RALYL: variants seen among roughly 807,000 people sequenced by gnomAD.
RALYL encodes RALY RNA binding protein like, also known as RNA-binding Raly-like protein.
RALYL carries 29 observed loss-of-function variants against 35.1 expected under a neutral mutation model. The observed-to-expected ratio is 0.83, with a 90% CI of 0.61 to 1.13. The LOEUF is 1.13. Ranked by LOEUF, RALYL falls within the 50% of genes most tolerant of loss-of-function variation. The pLI, the probability that RALYL is intolerant of heterozygous loss-of-function variation, is 0.00. For missense variants in RALYL, 359 were observed against 360.4 expected (o/e 1.00, Z 0.03); for synonymous variants, 120 against 127.6 (o/e 0.94, Z 0.40).
At chr8:84,663,203 T>G (rs919349237) in intron 2 of RALYL, among the ~76,000 whole-genome samples, 17 of 152,334 alleles carry the variant, frequency 1.1e-4, no homozygotes, top group African/African-American at 4.1e-4. Context: ...ATGGTATATA[T>G]GTACTATATT....
chr8:84,458,703 C>G (rs1563965739), intron 1 of RALYL, among the ~76,000 whole-genome samples: 2 of 151,630 alleles, frequency 1.3e-5, no homozygotes, highest in South Asian at 4.1e-4. Context: ...CATAATGCCA[C>G]TAAAAGTTCA....
rs148683859 is a variant in RALYL at position 84,920,832 on chromosome 8, C to T, written c.859-62C>T. Reference sequence around the variant, plus strand: ...AAAATCTAACTTACATATCAGTATACGCATGCTATCAACAATAAAACACAA... The same window carrying T: ...AAAATCTAACTTACATATCAGTATATGCATGCTATCAACAATAAAACACAA... On this transcript the variant is annotated intron_variant, in intron 8 of 8. Transcript: ENST00000521268. 1.2e-3 allele frequency: 808 copies of T among 686,010 alleles called. 3 individuals are homozygous for T. The highest frequency in any genetic ancestry group is 0.012 in the African/African-American group (620 of 53,360). The allele number at this position is 686,010 out of a possible 1,614,324, so 42.5% of individuals were successfully genotyped here.
At chr8:84,365,726 A>C (rs1005859472) in intron 1 of RALYL, among the ~76,000 whole-genome samples, 1 of 152,216 alleles carries the variant, frequency 6.6e-6, no homozygotes, top group African/African-American at 2.4e-5. Context: ...GGATACAGAC[A>C]ACAGAAGGCA....
rs117811727 is a variant in RALYL at position 84,694,512 on chromosome 8, A to T, written c.257-80067A>T. Among the ~76,000 whole-genome samples the T allele has an allele frequency of 2.0e-3, 303 of 151,970 alleles. 1 individual carries two copies. Among genetic ancestry groups the T allele is most frequent in the Non-Finnish European group, 3.4e-3 (233 of 67,832 alleles). ...GTGTTTATGGATTAAAAGAATTAAT[A>T]TTTTTTAAATGACTACTCAAAGCAA... On this transcript the variant is annotated intron_variant, in intron 2 of 8. Coordinates refer to ENST00000521268, the MANE Select transcript of RALYL (RefSeq NM_173848.7).
chr8:84,865,767 C>A (rs1839067357), intron 6 of RALYL, among the ~76,000 whole-genome samples: 1 of 152,104 alleles, frequency 6.6e-6, no homozygotes, highest in Non-Finnish European at 1.5e-5. Context: ...AATTTAAATT[C>A]TAATGTCTAA....
rs143938290 is a variant in RALYL, at chr8:84,681,803, C to A, written c.257-92776C>A. Among the ~76,000 whole-genome samples the A allele has an allele frequency of 2.6e-4, 39 of 152,274 alleles. No individual in the cohort carries two copies. The East Asian group carries it at 7.3e-3, about 29-fold the overall frequency. ...TCTGCAAACAGGGACAATTTGACTT[C>A]CTCTTTTCCTAATTGAATACCCTTT... On this transcript the variant is annotated intron_variant, in intron 2 of 8. Transcript: ENST00000521268.
In RALYL at chr8:84,223,156, T is replaced by TC. The variant is rs1422103254; in HGVS notation, c.-24+38733dup. ...TCCTTTCCTTTCCTTTCCTTTCCTTTCTTTCCTTCCTCCCTTCCCTTCCCT... is the reference window on the plus strand; with the variant it reads ...TCCTTTCCTTTCCTTTCCTTTCCTTTCCTTTCCTTCCTCCCTTCCCTTCCCT... On this transcript the variant is annotated intron_variant, in intron 1 of 8. Transcript: ENST00000521268. 2.6e-3 allele frequency among the ~76,000 whole-genome samples: 320 copies of TC among 122,588 alleles called. 1 individual carries two copies. The highest frequency in any genetic ancestry group is 5.4e-3 in the East Asian group (21 of 3,864). 80.4% of individuals were successfully genotyped at this position (122,588 alleles called of 152,430 possible). A position where few individuals can be genotyped will look rare whatever the true frequency, so the allele number is the denominator to read the frequency against.
chr8:84,709,038 T>G (rs1283811005), intron 2 of RALYL, among the ~76,000 whole-genome samples: 1 of 152,182 alleles, frequency 6.6e-6, no homozygotes, highest in East Asian at 1.9e-4. Flanking sequence ...CTTATCGACC[T>G]TATCCATATT....
intron 1 of RALYL, among the ~76,000 whole-genome samples, chr8:84,264,457 T>G (rs1272200411): frequency 2.0e-5 from 3 of 151,474 alleles, no homozygotes; most frequent in Non-Finnish European, 4.4e-5. Context: ...TGGTTTTTTT[T>G]TTTTTTTTTT....
In RALYL at chr8:84,887,598, C is replaced by T. The variant is rs368920635; in HGVS notation, c.686-6C>T. 61 of 1,601,890 alleles carry T rather than the reference C, an allele frequency of 3.8e-5. No homozygotes were observed. Among genetic ancestry groups the T allele is most frequent in the Middle Eastern group, 1.7e-4 (1 of 5,896 alleles). ...GTAGTAGTCATTTGCTTTCTCCCCC[C>T]CCCAGAAGCTCAGAAGAAGCAATTG... On this transcript the variant is annotated splice_polypyrimidine_tract_variant and splice_region_variant and intron_variant, in intron 7 of 8. Coordinates refer to ENST00000521268, the MANE Select transcript of RALYL (RefSeq NM_173848.7).
intron 7 of RALYL, among the ~76,000 whole-genome samples, chr8:84,883,160 G>C (rs1368999327): frequency 1.3e-5 from 2 of 151,898 alleles, no homozygotes; most frequent in Non-Finnish European, 2.9e-5. Context: ...CCTCAACTCA[G>C]ATAATGACTT....
chr8:84,410,926 A>G (rs1450647115), intron 1 of RALYL, among the ~76,000 whole-genome samples: 5 of 151,844 alleles, frequency 3.3e-5, no homozygotes, highest in Admixed American at 3.3e-4. Flanking sequence ...CTCTAGGATG[A>G]ATCTTATTTT....
intron 2 of RALYL, among the ~76,000 whole-genome samples, chr8:84,761,467 T>C (rs1812688859): frequency 6.6e-6 from 1 of 152,096 alleles, no homozygotes; most frequent in Non-Finnish European, 1.5e-5. Flanking sequence ...ATGGAACCTA[T>C]AGAACCAGTG....
chr8:84,489,950 C>A (rs1275406438), intron 1 of RALYL, among the ~76,000 whole-genome samples: 3 of 151,834 alleles, frequency 2.0e-5, no homozygotes, highest in African/African-American at 7.3e-5. Context: ...TCATGAAAGA[C>A]CATATCCAGA....
intron 4 of RALYL, among the ~76,000 whole-genome samples, chr8:84,822,434 C>G (rs1029341459): frequency 3.9e-5 from 6 of 152,216 alleles, no homozygotes; most frequent in Admixed American, 3.9e-4. Flanking sequence ...CATTGCTGCC[C>G]TTTCTGTGAA....
intron 2 of RALYL, among the ~76,000 whole-genome samples, chr8:84,711,111 G>T (rs1842112064): frequency 6.6e-6 from 1 of 152,068 alleles, no homozygotes; most frequent in Non-Finnish European, 1.5e-5. Context: ...AGTAGAAATA[G>T]CATATGCAAA....
chr8:84,243,501 C>CTTTTTT (rs34469585), intron 1 of RALYL, among the ~76,000 whole-genome samples: 13 of 97,504 alleles, frequency 1.3e-4, no homozygotes, highest in African/African-American at 1.6e-4. Context: ...CTCTCTCACA[C>CTTTTTT]TTTTTTTTTT....
chr8:84,666,812 C>T (rs1832157050), intron 2 of RALYL, among the ~76,000 whole-genome samples: 1 of 151,982 alleles, frequency 6.6e-6, no homozygotes, highest in Non-Finnish European at 1.5e-5. Flanking sequence ...GATAAAGGGC[C>T]AGTTGATGGT....
At chr8:84,325,255 C>T (rs1272009261) in intron 1 of RALYL, among the ~76,000 whole-genome samples, 2 of 152,128 alleles carry the variant, frequency 1.3e-5, no homozygotes, top group Non-Finnish European at 2.9e-5. Context: ...ATCACCAAAC[C>T]GTTCAGTTGC....
Sources: allele counts gnomAD v4.1 joint callset (sites outside exome capture counted in the v4.1 genomes callset), GRCh38; gene constraint gnomAD v4.1.1; transcripts MANE v1.5; gene names NCBI Gene and HGNC (gene_info 2026-07-23, HGNC 2026-07-21).